IQGAP1: variants seen among roughly 807,000 people sequenced by gnomAD.
IQGAP1 encodes the protein ras GTPase-activating-like protein IQGAP1.
A neutral mutation model predicts 215.6 loss-of-function variants in IQGAP1; 66 were observed. The ratio of observed to expected loss-of-function variants is 0.31; its 90% CI spans 0.25 to 0.38. The LOEUF (loss-of-function observed/expected upper bound fraction) is 0.38, where lower values mean the gene tolerates loss of function less well. IQGAP1 is among the 10% of genes least tolerant of loss of function. The probability of loss-of-function intolerance (pLI) is 1.00; values close to 1 mark genes in which losing one functional copy is unlikely to be tolerated. For synonymous variants in IQGAP1, 772 were observed against 728.7 expected (o/e 1.06, Z -0.96); for missense variants, 1,712 against 1,997.1 (o/e 0.86, Z 2.72).
At chr15:90,480,942 A>C (rs1966049425) in intron 26 of IQGAP1, among the ~76,000 whole-genome samples, 1 of 152,228 alleles carries the variant, frequency 6.6e-6, no homozygotes, top group Admixed American at 6.5e-5. Flanking sequence ...TGCTAGGATG[A>C]CAGGCGTGAG....
intron 5 of IQGAP1, among the ~76,000 whole-genome samples, chr15:90,436,531 G>T (rs1192984266): frequency 6.6e-6 from 1 of 152,170 alleles, no homozygotes; most frequent in Non-Finnish European, 1.5e-5. Context: ...TCACAGAAAA[G>T]ATAATTAGAA....
Position 90,388,294 on chromosome 15 carries a change from C to G in IQGAP1, c.-48C>G, listed in dbSNP as rs765901170. 2.5e-6 allele frequency: 4 copies of G among 1,593,634 alleles called. No homozygotes were observed. The highest frequency in any genetic ancestry group is 3.4e-6 in the Non-Finnish European group (4 of 1,170,690). On this transcript the variant is annotated 5_prime_UTR_variant, in exon 1 of 38. Transcript: ENST00000268182. ...GGAGCTGTAGCTACCGCCGTCCGCG[C>G]CTCCAAGGTTTCACGGCTTCCTCAG...
chr15:90,494,931 C>G, intron 36 of IQGAP1, 96 bp downstream of exon 36: 1 of 831,794 alleles, frequency 1.2e-6, no homozygotes. Context: ...TGGATGGTTA[C>G]TTTTAGTATT....
chr15:90,392,901 C>T (rs549112695), intron 2 of IQGAP1, among the ~76,000 whole-genome samples: 7 of 151,922 alleles, frequency 4.6e-5, no homozygotes, highest in African/African-American at 9.7e-5. Flanking sequence ...TCCGCCACTA[C>T]GCCTGGCTAA....
chr15:90,405,051 A>G (rs1421062731), intron 2 of IQGAP1, among the ~76,000 whole-genome samples: 1 of 152,168 alleles, frequency 6.6e-6, no homozygotes, highest in Non-Finnish European at 1.5e-5. Context: ...TATGTTTAGG[A>G]TGTAAAGTGT....
rs959483941 is a variant in IQGAP1 at position 90,462,385 on chromosome 15, C to T, written c.1777-3616C>T. ...ATCACTCCCCAACTCTAATTGAAAT[C>T]CCACTATATGGCAACTAAACCAGCA... On this transcript the variant is annotated intron_variant, in intron 15 of 37. Coordinates refer to ENST00000268182, the MANE Select transcript of IQGAP1 (RefSeq NM_003870.4). Among the ~76,000 whole-genome samples the T allele has an allele frequency of 3.9e-5, 6 of 152,180 alleles. No individual in the cohort carries two copies. The East Asian group carries it at 1.2e-3, about 29-fold the overall frequency.
intron 15 of IQGAP1, among the ~76,000 whole-genome samples, chr15:90,457,718 C>A (rs921083225): frequency 6.6e-6 from 1 of 151,432 alleles, no homozygotes. Context: ...TTGGGAATTA[C>A]AGGCATGAGC....
chr15:90,483,997 G>C (rs1210628859), intron 29 of IQGAP1, among the ~76,000 whole-genome samples: 1 of 152,156 alleles, frequency 6.6e-6, no homozygotes, highest in African/African-American at 2.4e-5. Context: ...TGGTGCAATG[G>C]TTCTTATGGG....
chr15:90,413,964 A>G (rs1213498311), intron 2 of IQGAP1, among the ~76,000 whole-genome samples: 1 of 152,036 alleles, frequency 6.6e-6, no homozygotes, highest in Admixed American at 6.6e-5. Context: ...GCTCTTCAGA[A>G]CCTTGCTTTC....
intron 8 of IQGAP1, among the ~76,000 whole-genome samples, chr15:90,442,462 C>T (rs1406853215): frequency 6.6e-6 from 1 of 150,888 alleles, no homozygotes; most frequent in East Asian, 2.0e-4. Context: ...AAAAAAAAAA[C>T]TTCACACAAA....
rs1965447494 is a variant in IQGAP1, at chr15:90,441,423, G to A, written c.650-83G>A. Reference sequence around the variant, plus strand: ...CTCTGTCTCTAATGGGGGGTGCAATGTTGCTTTCTGTTGTGATATACATCC... The same window carrying A: ...CTCTGTCTCTAATGGGGGGTGCAATATTGCTTTCTGTTGTGATATACATCC... On this transcript the variant is annotated intron_variant, in intron 7 of 37. Transcript: ENST00000268182. 6 of 1,216,368 alleles carry A rather than the reference G, an allele frequency of 4.9e-6. No individual in the cohort carries two copies. The South Asian group carries it at 8.7e-5, about 18-fold the overall frequency. The allele number at this position is 1,216,368 out of a possible 1,614,324, so 75.3% of individuals were successfully genotyped here.
intron 4 of IQGAP1, among the ~76,000 whole-genome samples, chr15:90,432,594 C>A (rs1488308844): frequency 6.6e-6 from 1 of 152,122 alleles, no homozygotes; most frequent in Non-Finnish European, 1.5e-5. Flanking sequence ...TTTTCTAGAA[C>A]GTATTCTGTA....
chr15:90,448,830 T>C, intron 10 of IQGAP1, 94 bp downstream of exon 10: 1 of 1,131,088 alleles, frequency 8.8e-7, no homozygotes. Flanking sequence ...CCTTTGTTTT[T>C]CCCCCAATAC....
chr15:90,393,271 A>T (rs780840201), intron 2 of IQGAP1, among the ~76,000 whole-genome samples: 1 of 152,140 alleles, frequency 6.6e-6, no homozygotes, highest in Non-Finnish European at 1.5e-5. Context: ...TTCCTTATAT[A>T]AAATGGCATA....
chr15:90,456,132 TTC>T lies in IQGAP1; in HGVS notation c.1613-18_1613-17del, dbSNP rs751594608. On this transcript the variant is annotated intron_variant, in intron 14 of 37. Coordinates refer to ENST00000268182, the MANE Select transcript of IQGAP1 (RefSeq NM_003870.4). Reference sequence around the variant, plus strand: ...CTTCCTTAATTAGAAAAAAAAAACTTTCTGTCTCTTTATATTTAGGGATTTTA... The same window carrying T: ...CTTCCTTAATTAGAAAAAAAAAACTTTGTCTCTTTATATTTAGGGATTTTA... 1 of 1,601,634 alleles carries T rather than the reference TTC, an allele frequency of 6.2e-7. No homozygotes were observed.
At position 90,437,577 on chromosome 15, in the gene IQGAP1, T is replaced by A. The variant is rs192187376; in HGVS notation, c.468-1755T>A. 2.0e-5 allele frequency among the ~76,000 whole-genome samples: 3 copies of A among 152,328 alleles called. No individual in the cohort carries two copies. In the East Asian group the frequency reaches 5.8e-4, roughly 29 times the overall value. On this transcript the variant is annotated intron_variant, in intron 5 of 37. Transcript: ENST00000268182. ...TTTTTAAAGAGGCAGGGTCTTACTC[T>A]TTTGCCTAGGCTGGAACGCAGAGGT...
intron 8 of IQGAP1, 81 bp from the exon 9 acceptor site, chr15:90,443,312 GT>G: frequency 1.2e-6 from 1 of 808,568 alleles, no homozygotes; most frequent in Non-Finnish European, 2.1e-6. Context: ...TAGTGTTATG[GT>G]GCAGGAGGAG....
At chr15:90,413,244 A>C (rs952855019) in intron 2 of IQGAP1, among the ~76,000 whole-genome samples, 1 of 152,184 alleles carries the variant, frequency 6.6e-6, no homozygotes, top group African/African-American at 2.4e-5. Flanking sequence ...GTACATACAC[A>C]TATACATAGC....
chr15:90,479,356 C>A (rs1966023793), intron 26 of IQGAP1, among the ~76,000 whole-genome samples: 1 of 152,014 alleles, frequency 6.6e-6, no homozygotes, highest in African/African-American at 2.4e-5. Context: ...TAACACTATT[C>A]TTCATTCTAC....
Sources: gnomAD v4.1 joint callset for allele counts (sites outside exome capture counted in the v4.1 genomes callset) on GRCh38, gnomAD v4.1.1 for gene constraint, MANE v1.5 for transcripts, NCBI Gene and HGNC (gene_info 2026-07-23, HGNC 2026-07-21) for gene names.